RALYL: variants seen among roughly 807,000 people sequenced by gnomAD.
RALYL encodes the protein RALY RNA binding protein like.
In RALYL, 29 loss-of-function variants were observed where a neutral mutation model predicts 35.1. The ratio of observed to expected loss-of-function variants is 0.83; its 90% CI spans 0.61 to 1.13. The LOEUF (loss-of-function observed/expected upper bound fraction) is 1.13, where lower values mean the gene tolerates loss of function less well. Ranked by LOEUF, RALYL falls within the 50% of genes most tolerant of loss-of-function variation. The pLI is 0.00. For missense variants in RALYL, 359 were observed against 360.4 expected (o/e 1.00, Z 0.03); for synonymous variants, 120 against 127.6 (o/e 0.94, Z 0.40).
intron 1 of RALYL, among the ~76,000 whole-genome samples, chr8:84,298,002 A>G (rs1368868111): frequency 6.6e-6 from 1 of 152,000 alleles, no homozygotes; most frequent in Non-Finnish European, 1.5e-5. Flanking sequence ...TATTCTGTTG[A>G]TACTTTCTTA....
rs376115936 is a variant in RALYL, at chr8:84,440,155, A to G, written c.-23-89144A>G. On this transcript the variant is annotated intron_variant, in intron 1 of 8. Transcript: ENST00000521268. ...TAAGTTCATACAGACAAGTTTAGAT[A>G]TTAGAGTTTGAGGCAGGTAATAATT... 1.2e-4 allele frequency among the ~76,000 whole-genome samples: 19 copies of G among 152,266 alleles called. 2 individuals carry two copies. The South Asian group carries it at 3.5e-3, about 28-fold the overall frequency.
intron 2 of RALYL, among the ~76,000 whole-genome samples, chr8:84,539,852 A>G (rs1170502612): frequency 0.017 from 230 of 13,612 alleles, 2 homozygotes; most frequent in African/African-American, 0.03. Context: ...ATATATATAT[A>G]TGTATATATA....
chr8:84,592,279 C>T (rs181036647), intron 2 of RALYL, among the ~76,000 whole-genome samples: 1 of 152,010 alleles, frequency 6.6e-6, no homozygotes, highest in African/African-American at 2.4e-5. Flanking sequence ...GAAATATATA[C>T]CAGGACAGGA....
chr8:84,635,668 T>C (rs545410308), intron 2 of RALYL, among the ~76,000 whole-genome samples: 1 of 151,914 alleles, frequency 6.6e-6, no homozygotes, highest in Admixed American at 6.6e-5. Context: ...TAAAGTATTT[T>C]GAGGTAATTC....
chr8:84,259,186 A>T (rs894318450), intron 1 of RALYL, among the ~76,000 whole-genome samples: 4 of 152,194 alleles, frequency 2.6e-5, no homozygotes, highest in Non-Finnish European at 5.9e-5. Context: ...GACACAGATT[A>T]TTTAAGCTCA....
intron 2 of RALYL, among the ~76,000 whole-genome samples, chr8:84,676,196 T>G (rs1302762287): frequency 1.3e-5 from 2 of 152,208 alleles, no homozygotes; most frequent in East Asian, 3.8e-4. Flanking sequence ...TTTTTTCTGA[T>G]CCAAGTAATT....
chr8:84,253,859 GCCTACT>G, intron 1 of RALYL, among the ~76,000 whole-genome samples: 1 of 152,006 alleles, frequency 6.6e-6, no homozygotes, highest in Non-Finnish European at 1.5e-5. Flanking sequence ...CTTCATCCTT[GCCTACT>G]GCCAATCTCT....
chr8:84,817,037 G>A (rs1024715660), intron 4 of RALYL, among the ~76,000 whole-genome samples: 1 of 152,126 alleles, frequency 6.6e-6, no homozygotes, highest in Non-Finnish European at 1.5e-5. Context: ...GCATGGACCA[G>A]CCAAGCCTGG....
At chr8:84,796,791 C>T (rs1822025611) in intron 3 of RALYL, among the ~76,000 whole-genome samples, 2 of 152,084 alleles carry the variant, frequency 1.3e-5, no homozygotes, top group African/African-American at 4.8e-5. Context: ...TAAATTATTG[C>T]ATAAACAACA....
At chr8:84,735,037 G>GTGTGTA (rs1491577082) in intron 2 of RALYL, among the ~76,000 whole-genome samples, 5 of 144,630 alleles carry the variant, frequency 3.5e-5, no homozygotes, top group African/African-American at 1.3e-4. Context: ...GTGTGTGTGT[G>GTGTGTA]TATTCCATTT....
At chr8:84,625,720 T>C (rs1303777339) in intron 2 of RALYL, among the ~76,000 whole-genome samples, 1 of 152,144 alleles carries the variant, frequency 6.6e-6, no homozygotes, top group African/African-American at 2.4e-5. Flanking sequence ...AAGTCTGAAA[T>C]CAAAGATTCT....
At chr8:84,907,528 G>T (rs1391894934) in intron 8 of RALYL, among the ~76,000 whole-genome samples, 1 of 152,048 alleles carries the variant, frequency 6.6e-6, no homozygotes, top group Non-Finnish European at 1.5e-5. Context: ...ACTGATTTTA[G>T]AAAGATTAAG....
At chr8:84,745,246 A>C (rs998272915) in intron 2 of RALYL, among the ~76,000 whole-genome samples, 2 of 151,992 alleles carry the variant, frequency 1.3e-5, no homozygotes, top group Non-Finnish European at 2.9e-5. Flanking sequence ...TCCACAAGCA[A>C]ATATCAAGTC....
At chr8:84,622,178 T>G (rs1056047576) in intron 2 of RALYL, among the ~76,000 whole-genome samples, 5 of 152,096 alleles carry the variant, frequency 3.3e-5, no homozygotes, top group Non-Finnish European at 5.9e-5. Flanking sequence ...ACTGCATGAA[T>G]GAGAGGAAAG....
At chr8:84,579,004 A>G (rs1006241455) in intron 2 of RALYL, among the ~76,000 whole-genome samples, 8 of 152,270 alleles carry the variant, frequency 5.3e-5, no homozygotes, top group South Asian at 2.1e-4. Context: ...GGGCTTCACC[A>G]GGGACCACCC....
At chr8:84,189,597 A>G (rs938355071) in intron 1 of RALYL, among the ~76,000 whole-genome samples, 1 of 151,948 alleles carries the variant, frequency 6.6e-6, no homozygotes, top group African/African-American at 2.4e-5. Context: ...GTTGGAGGAA[A>G]CTGAGACTTG....
chr8:84,794,720 T>C (rs932068366), intron 3 of RALYL, among the ~76,000 whole-genome samples: 1 of 152,192 alleles, frequency 6.6e-6, no homozygotes, highest in African/African-American at 2.4e-5. Context: ...TCCTCACTGC[T>C]GCCCCCAAAG....
At chr8:84,205,110 T>G (rs1447458478) in intron 1 of RALYL, among the ~76,000 whole-genome samples, 1 of 152,212 alleles carries the variant, frequency 6.6e-6, no homozygotes, top group Admixed American at 6.5e-5. Flanking sequence ...ATTTGATTAT[T>G]TACAAATATG....
chr8:84,653,838 A>T (rs1304152907), intron 2 of RALYL, among the ~76,000 whole-genome samples: 1 of 151,806 alleles, frequency 6.6e-6, no homozygotes, highest in Non-Finnish European at 1.5e-5. Context: ...TAAAGTAAAA[A>T]TATTTTAACT....
Sources: allele counts gnomAD v4.1 joint callset (sites outside exome capture counted in the v4.1 genomes callset), GRCh38; gene constraint gnomAD v4.1.1; transcripts MANE v1.5; gene names NCBI Gene and HGNC (gene_info 2026-07-23, HGNC 2026-07-21).